The following SLC26A5 variants were observed in gnomAD, a reference collection of about 807,000 sequenced individuals.
SLC26A5 encodes the protein prestin.
SLC26A5 carries 51 observed loss-of-function variants against 81.0 expected under a neutral mutation model. The ratio of observed to expected loss-of-function variants is 0.63; its 90% CI spans 0.50 to 0.80. The LOEUF (loss-of-function observed/expected upper bound fraction) is 0.80, where lower values mean the gene tolerates loss of function less well. SLC26A5 is among the 30% of genes least tolerant of loss of function. The probability of loss-of-function intolerance (pLI) is 0.00; values close to 1 mark genes in which losing one functional copy is unlikely to be tolerated. For synonymous variants in SLC26A5, 325 were observed against 332.8 expected (o/e 0.98, Z 0.25); for missense variants, 771 against 905.8 (o/e 0.85, Z 1.91).
chr7:103,357,537 A>G (rs1229835475), intron 19 of SLC26A5, among the ~76,000 whole-genome samples: 1 of 152,078 alleles, frequency 6.6e-6, no homozygotes, highest in Non-Finnish European at 1.5e-5. Flanking sequence ...TTGGCTTTCC[A>G]TCATGGAAGA....
At chr7:103,424,898 G>T (rs762425979) in intron 2 of SLC26A5, among the ~76,000 whole-genome samples, 1 of 152,224 alleles carries the variant, frequency 6.6e-6, no homozygotes, top group African/African-American at 2.4e-5. Flanking sequence ...TCCACTGGGT[G>T]AGGCCTAAAC....
intron 19 of SLC26A5, 134 bp downstream of exon 19, chr7:103,376,674 G>T: frequency 1.4e-6 from 1 of 697,810 alleles, no homozygotes; most frequent in South Asian, 2.0e-5. Context: ...GCTGGCTTTA[G>T]AGTGATTTTT....
At chr7:103,388,504 TA>T in intron 14 of SLC26A5, 1 of 223,096 alleles carries the variant, frequency 4.5e-6, no homozygotes, top group South Asian at 7.3e-5. Context: ...CCCAACCATA[TA>T]TTTTTTTAAT....
chr7:103,415,887 C>G (rs779086774), intron 4 of SLC26A5, among the ~76,000 whole-genome samples: 29 of 152,110 alleles, frequency 1.9e-4, no homozygotes, highest in Non-Finnish European at 4.1e-4. Context: ...TCTGTTTACT[C>G]TCTTCTTTCT....
intron 19 of SLC26A5, chr7:103,363,563 G>T: frequency 2.5e-6 from 2 of 812,968 alleles, no homozygotes; most frequent in Non-Finnish European, 4.0e-6. Flanking sequence ...TTTTTGAGAG[G>T]GTGGAGAGAG....
At chr7:103,369,493 TAC>T (rs1563500609), downstream of SLC26A5, 1 of 152,258 alleles carries the variant, frequency 6.6e-6, no homozygotes, top group East Asian at 1.9e-4. Flanking sequence ...GTTCTAACGA[TAC>T]AGAGTGACTA....
At chr7:103,435,317 A>C (rs1441515008) in intron 2 of SLC26A5, among the ~76,000 whole-genome samples, 1 of 151,982 alleles carries the variant, frequency 6.6e-6, no homozygotes. Flanking sequence ...GTTTATCTTG[A>C]TGTTTCTTTT....
At position 103,367,955 on chromosome 7, in the gene SLC26A5, A is replaced by G. The variant is rs1408254709; in HGVS notation, c.2041+8853T>C. On this transcript the variant is annotated intron_variant, in intron 19 of 19. Coordinates refer to the SLC26A5 transcript ENST00000339444. The surrounding 1 kb of genome is among the most constrained non-coding windows in gnomAD (Gnocchi z 6.1). Reference sequence around the variant, plus strand: ...GTATGTTTGCCATCAGAGCACGGCGAAAAATTGCTACCGAGAAGGATTTCT... The same window carrying G: ...GTATGTTTGCCATCAGAGCACGGCGGAAAATTGCTACCGAGAAGGATTTCT... The G allele has an allele frequency of 6.2e-7, 1 of 1,614,072 alleles. No homozygotes were observed. The highest frequency in any genetic ancestry group is 8.5e-7 in the Non-Finnish European group (1 of 1,179,982).
chr7:103,370,173 C>T (rs900648880), downstream of SLC26A5, among the ~76,000 whole-genome samples: 21 of 152,088 alleles, frequency 1.4e-4, no homozygotes, highest in African/African-American at 4.3e-4. Flanking sequence ...ATCTAAACAT[C>T]GTGAATCCTA....
intron 13 of SLC26A5, 29 bp from the exon 14 acceptor site, chr7:103,389,143 G>C (rs773709404): frequency 6.6e-7 from 1 of 1,523,178 alleles, no homozygotes; most frequent in African/African-American, 1.4e-5. Context: ...ACTTGATGGA[G>C]AACCATGTTA....
intron 4 of SLC26A5, among the ~76,000 whole-genome samples, chr7:103,420,239 A>G (rs1030009634): frequency 1.3e-5 from 2 of 150,454 alleles, no homozygotes; most frequent in Non-Finnish European, 3.0e-5. Flanking sequence ...CAAGCAGTGT[A>G]CTGATCTGCA....
chr7:103,363,331 G>A (rs754594044), intron 19 of SLC26A5: 1 of 1,594,166 alleles, frequency 6.3e-7, no homozygotes, highest in Non-Finnish European at 8.6e-7. Context: ...GTACATTTCT[G>A]TCCCTCTCTT....
chr7:103,364,518 T>G (rs1208321892), intron 19 of SLC26A5, among the ~76,000 whole-genome samples: 2 of 152,140 alleles, frequency 1.3e-5, no homozygotes, highest in Non-Finnish European at 2.9e-5. Context: ...TAGGCGATCC[T>G]CCCATCTCAG....
chr7:103,368,485 T>C (rs1328994672), intron 19 of SLC26A5: 1 of 154,928 alleles, frequency 6.5e-6, no homozygotes, highest in African/African-American at 2.4e-5. Flanking sequence ...CCATTACCTA[T>C]GCTCCTATTA....
intron 14 of SLC26A5, among the ~76,000 whole-genome samples, chr7:103,385,336 G>T (rs1001466718): frequency 2.0e-5 from 3 of 151,958 alleles, no homozygotes; most frequent in African/African-American, 7.2e-5. Flanking sequence ...CTAATTTTTT[G>T]ATCGAGCCAG....
chr7:103,444,288 TTAATGA>T (rs1251834986), intron 1 of SLC26A5, among the ~76,000 whole-genome samples: 3 of 152,200 alleles, frequency 2.0e-5, no homozygotes, highest in East Asian at 1.9e-4. Context: ...CTTTATTAAC[TTAATGA>T]TAATGAGAAC....
intron 14 of SLC26A5, 94 bp downstream of exon 14, chr7:103,388,914 T>C: frequency 1.2e-6 from 1 of 863,114 alleles, no homozygotes; most frequent in Non-Finnish European, 1.9e-6. Flanking sequence ...ATCAAAGGGC[T>C]CCACTTCTAC....
chr7:103,436,241 C>T (rs1427611687), intron 2 of SLC26A5, among the ~76,000 whole-genome samples: 1 of 152,046 alleles, frequency 6.6e-6, no homozygotes, highest in East Asian at 1.9e-4. Context: ...GGAAAGAAGT[C>T]TGAAAATTCA....
intron 4 of SLC26A5, among the ~76,000 whole-genome samples, chr7:103,417,373 A>G (rs1355603789): frequency 3.3e-5 from 5 of 151,306 alleles, no homozygotes; most frequent in Non-Finnish European, 5.9e-5. Context: ...TGTCTCAAAA[A>G]AAAAAAAAAA....
Sources: allele counts gnomAD v4.1 joint callset (sites outside exome capture counted in the v4.1 genomes callset), GRCh38; gene constraint gnomAD v4.1.1; non-coding constraint Gnocchi (gnomAD v3.1); transcripts MANE v1.5; gene names NCBI Gene and HGNC (gene_info 2026-07-23, HGNC 2026-07-21).